CORO1C: variants seen among roughly 807,000 people sequenced by gnomAD.
CORO1C encodes coronin-1C.
A neutral mutation model predicts 51.2 loss-of-function variants in CORO1C; 14 were observed. The ratio of observed to expected loss-of-function variants is 0.27; its 90% confidence interval spans 0.18 to 0.43. The LOEUF (loss-of-function observed/expected upper bound fraction) is 0.43, where lower values mean the gene tolerates loss of function less well. Among genes scored for constraint, CORO1C ranks in the 20% least tolerant of loss-of-function variants. The probability of loss-of-function intolerance (pLI) is 1.00; values close to 1 mark genes in which losing one functional copy is unlikely to be tolerated. For missense variants in CORO1C, 417 were observed against 607.8 expected (o/e 0.69, Z 3.30); for synonymous variants, 181 against 210.5 (o/e 0.86, Z 1.21).
rs373130369 is a variant in CORO1C, at chr12:108,660,189, C to T, written c.449-1270G>A. ...GAAACTGGCCGGGCACGGTGGCTCA[C>T]GCCTGTAATCCCAGCACCCTGGGAG... On this transcript the variant is annotated intron_variant, in intron 4 of 10. Transcript: ENST00000261401. Among the ~76,000 whole-genome samples, 21 of 152,326 alleles carry T rather than the reference C, an allele frequency of 1.4e-4. No individual in the cohort carries two copies. In the East Asian group the frequency reaches 1.7e-3, roughly 13 times the overall value.
In CORO1C at chr12:108,704,110, T is replaced by C. The variant is rs190868606; in HGVS notation, c.-5-2787A>G. On this transcript the variant is annotated intron_variant, in intron 1 of 10. Transcript: ENST00000261401. Reference sequence around the variant, plus strand: ...ATAAAAATAGGAAGATTAATATAAATATGTAAAATGCTTTGTCTTCATTGA... The same window carrying C: ...ATAAAAATAGGAAGATTAATATAAACATGTAAAATGCTTTGTCTTCATTGA... 1.2e-3 allele frequency among the ~76,000 whole-genome samples: 185 copies of C among 152,296 alleles called. 1 individual carries two copies. Among genetic ancestry groups the C allele is most frequent in the Non-Finnish European group, 2.0e-3 (137 of 68,030 alleles).
chr12:108,657,538 G>T, intron 5 of CORO1C, 115 bp from the exon 6 acceptor site: 1 of 1,125,740 alleles, frequency 8.9e-7, no homozygotes, highest in Non-Finnish European at 1.3e-6. Flanking sequence ...CCTGGGTGTG[G>T]GAGGGAGGTC....
intron 2 of CORO1C, chr12:108,696,383 C>CTTGTTGTGATATG (rs917968143): frequency 4.1e-5 from 6 of 145,948 alleles, no homozygotes; most frequent in African/African-American, 7.7e-5. Context: ...GATTTACAGG[C>CTTGTTGTGATATG]TTGTTGTGAT....
At chr12:108,707,093 T>C (rs1326108626) in intron 1 of CORO1C, among the ~76,000 whole-genome samples, 5 of 152,148 alleles carry the variant, frequency 3.3e-5, no homozygotes, top group Non-Finnish European at 5.9e-5. Flanking sequence ...AGACTTAGCA[T>C]TGAGATGGCA....
chr12:108,667,554 A>G (rs2033532775), intron 3 of CORO1C, among the ~76,000 whole-genome samples: 1 of 152,214 alleles, frequency 6.6e-6, no homozygotes, highest in Non-Finnish European at 1.5e-5. Context: ...TTTGGACAAC[A>G]CATTACTATG....
intron 1 of CORO1C, among the ~76,000 whole-genome samples, chr12:108,716,056 G>A (rs541696310): frequency 4.3e-5 from 6 of 140,790 alleles, no homozygotes; most frequent in South Asian, 2.2e-4. Context: ...GCTTGAACCC[G>A]GAAGTCGGAG....
At chr12:108,680,385 C>T (rs2034081034) in intron 2 of CORO1C, among the ~76,000 whole-genome samples, 1 of 152,140 alleles carries the variant, frequency 6.6e-6, no homozygotes, top group Non-Finnish European at 1.5e-5. Flanking sequence ...TCTTCCAAAA[C>T]GCATCACCAA....
intron 3 of CORO1C, among the ~76,000 whole-genome samples, chr12:108,676,906 T>A (rs2033927982): frequency 6.6e-6 from 1 of 152,210 alleles, no homozygotes; most frequent in Non-Finnish European, 1.5e-5. Flanking sequence ...CAGCAGCGTA[T>A]TTCCTTAATA....
Position 108,645,372 on chromosome 12 carries a change from G to A in CORO1C, c.*2031C>T, listed in dbSNP as rs956790416. On this transcript the variant is annotated 3_prime_UTR_variant, in exon 11 of 11. Coordinates refer to ENST00000261401, the MANE Select transcript of CORO1C (RefSeq NM_014325.4). The stretch of plus-strand genomic sequence containing the variant: ...CAGGGTAACTTTCCCTTGCCCTCCT[G>A]CTTCTCTTTGAACCACATGCCCTAC... 6.6e-6 allele frequency: 1 copy of A among 152,106 alleles called. No homozygotes were observed. The highest frequency in any genetic ancestry group is 1.5e-5 in the Non-Finnish European group (1 of 68,024). The allele number at this position is 152,106 out of a possible 1,614,324, so 9.4% of individuals were successfully genotyped here. A position where few individuals can be genotyped will look rare whatever the true frequency, so the allele number is the denominator to read the frequency against.
At chr12:108,700,987 G>A (rs898730693) in intron 2 of CORO1C, 137 bp downstream of exon 2, 34 of 926,454 alleles carry the variant, frequency 3.7e-5, no homozygotes, top group Middle Eastern at 3.4e-4. Context: ...TTAGTAAGGC[G>A]TGTGGAACTT....
chr12:108,706,948 T>C (rs544223921), intron 1 of CORO1C, among the ~76,000 whole-genome samples: 1 of 152,220 alleles, frequency 6.6e-6, no homozygotes, highest in Admixed American at 6.5e-5. Context: ...CCACTCACAA[T>C]ACATCAGAAA....
At chr12:108,711,401 C>G (rs780716263) in intron 1 of CORO1C, among the ~76,000 whole-genome samples, 7 of 151,782 alleles carry the variant, frequency 4.6e-5, no homozygotes, top group Non-Finnish European at 1.0e-4. Flanking sequence ...AGAAAAGGGC[C>G]GGGCATGGTG....
At chr12:108,659,394 C>T (rs962201746) in intron 4 of CORO1C, among the ~76,000 whole-genome samples, 1 of 152,120 alleles carries the variant, frequency 6.6e-6, no homozygotes, top group African/African-American at 2.4e-5. Context: ...TTGATTTTCC[C>T]CTGCTATACA....
intron 8 of CORO1C, chr12:108,649,376 G>A (rs2032535687): frequency 3.1e-6 from 1 of 323,716 alleles, no homozygotes; most frequent in South Asian, 3.4e-5. Context: ...TCAACCTACA[G>A]GAGAGAACAC....
At chr12:108,705,373 T>C (rs1371059754) in intron 1 of CORO1C, among the ~76,000 whole-genome samples, 1 of 147,914 alleles carries the variant, frequency 6.8e-6, no homozygotes, top group African/African-American at 2.5e-5. Flanking sequence ...GGCATAAGAA[T>C]TGCTTGAACC....
chr12:108,702,828 CCAAT>C, intron 1 of CORO1C: 1 of 1,534,764 alleles, frequency 6.5e-7, no homozygotes, highest in Non-Finnish European at 8.7e-7. Flanking sequence ...TGGCCTCTCT[CCAAT>C]GCTGGGGGCA....
At chr12:108,667,658 G>A (rs139037336) in intron 3 of CORO1C, among the ~76,000 whole-genome samples, 23 of 152,268 alleles carry the variant, frequency 1.5e-4, no homozygotes, top group East Asian at 7.7e-4. Context: ...GAGGCTCGGC[G>A]TTCAAGGCCA....
intron 2 of CORO1C, among the ~76,000 whole-genome samples, chr12:108,700,228 A>G (rs1430308060): frequency 6.6e-6 from 1 of 152,148 alleles, no homozygotes; most frequent in Non-Finnish European, 1.5e-5. Flanking sequence ...CATCCTCACC[A>G]GCACCCAGCC....
intron 1 of CORO1C, among the ~76,000 whole-genome samples, chr12:108,728,328 A>G (rs1417607724): frequency 6.6e-6 from 1 of 151,286 alleles, no homozygotes. Flanking sequence ...ACAATGGAAT[A>G]TTATTTGACC....
Sources: gnomAD v4.1 joint callset for allele counts (sites outside exome capture counted in the v4.1 genomes callset) on GRCh38, gnomAD v4.1.1 for gene constraint, MANE v1.5 for transcripts, NCBI Gene and HGNC (gene_info 2026-07-23, HGNC 2026-07-21) for gene names.